Variants in TRIM24 observed in about 807,000 individuals in gnomAD.
The protein encoded by TRIM24 is transcription intermediary factor 1-alpha.
Under a neutral mutation model 123.9 loss-of-function variants are expected in TRIM24, and 29 were observed. The ratio of observed to expected loss-of-function variants is 0.23; its 90% CI spans 0.17 to 0.32. TRIM24 has a LOEUF of 0.32. Ranked by LOEUF, TRIM24 falls within the 10% of genes least tolerant of loss-of-function variation. The pLI is 1.00. For missense variants in TRIM24, 932 were observed against 1,295.3 expected (o/e 0.72, Z 4.31); for synonymous variants, 456 against 461.1 (o/e 0.99, Z 0.14).
chr7:138,584,146 C>G, intron 18 of TRIM24, 147 bp downstream of exon 18: 1 of 834,796 alleles, frequency 1.2e-6, no homozygotes. Flanking sequence ...AGAGATAATT[C>G]AGATAACTCT....
At position 138,589,464 on chromosome 7, in the gene TRIM24, A is replaced by G. The variant is rs1167946754; in HGVS notation, c.*4513A>G. 6.6e-6 allele frequency: 1 copy of G among 152,188 alleles called. No homozygotes were observed. Among genetic ancestry groups the G allele is most frequent in the African/African-American group, 2.4e-5 (1 of 41,438 alleles). The allele number at this position is 152,188 out of a possible 1,614,324, so 9.4% of individuals were successfully genotyped here. On this transcript the variant is annotated 3_prime_UTR_variant, in exon 19 of 19. Transcript: ENST00000343526. ...CTATCTACTTTGAGTCTCCATTACTACTACTGTTGTTCCCCTAGCTGTAAC... is the reference window on the plus strand; with the variant it reads ...CTATCTACTTTGAGTCTCCATTACTGCTACTGTTGTTCCCCTAGCTGTAAC...
intron 2 of TRIM24, among the ~76,000 whole-genome samples, chr7:138,509,960 C>T (rs1020959894): frequency 6.6e-6 from 1 of 152,136 alleles, no homozygotes; most frequent in African/African-American, 2.4e-5. Flanking sequence ...GCTTGGGACT[C>T]AGGCTTCTGA....
chr7:138,575,930 G>GTA (rs1396956415), intron 12 of TRIM24, among the ~76,000 whole-genome samples: 5 of 152,168 alleles, frequency 3.3e-5, no homozygotes, highest in East Asian at 3.9e-4. Context: ...CTATCAGCCC[G>GTA]TACCACCTTT....
In TRIM24 at chr7:138,473,173, G is replaced by A. The variant is rs533268943; in HGVS notation, c.364+12261G>A. Among the ~76,000 whole-genome samples, 39 of 152,260 alleles carry A rather than the reference G, an allele frequency of 2.6e-4. No homozygotes were observed. In the South Asian group the frequency reaches 5.8e-3, roughly 23 times the overall value. On this transcript the variant is annotated intron_variant, in intron 1 of 18. Coordinates refer to ENST00000343526, the MANE Select transcript of TRIM24 (RefSeq NM_015905.3). ...CATGTGCCTGTAGTTCCAGCTACTCGGGAGGCTGAGGCAGGAGAATTGCTT... is the reference window on the plus strand; with the variant it reads ...CATGTGCCTGTAGTTCCAGCTACTCAGGAGGCTGAGGCAGGAGAATTGCTT...
intron 17 of TRIM24, among the ~76,000 whole-genome samples, chr7:138,583,501 C>T (rs1302876512): frequency 6.6e-6 from 1 of 152,100 alleles, no homozygotes; most frequent in Admixed American, 6.6e-5. Flanking sequence ...ATGCCTGTAA[C>T]CCCAGCTACG....
intron 1 of TRIM24, among the ~76,000 whole-genome samples, chr7:138,482,003 C>T (rs573464285): frequency 7.6e-4 from 116 of 152,258 alleles, no homozygotes; most frequent in East Asian, 4.4e-3. Flanking sequence ...TCTACACCGC[C>T]GTGCTTATAA....
At chr7:138,542,099 A>G (rs1270205972) in intron 7 of TRIM24, among the ~76,000 whole-genome samples, 1 of 152,208 alleles carries the variant, frequency 6.6e-6, no homozygotes, top group Admixed American at 6.5e-5. Context: ...TATCAGCAAT[A>G]AGTCTGCTTG....
intron 10 of TRIM24, among the ~76,000 whole-genome samples, chr7:138,569,110 CACTT>C (rs1380506239): frequency 1.3e-5 from 2 of 152,152 alleles, no homozygotes; most frequent in African/African-American, 4.8e-5. Context: ...AATTTTGTGG[CACTT>C]ACGTAGTCTT....
At position 138,589,488 on chromosome 7, in the gene TRIM24, A is replaced by G. The variant is rs373788159; in HGVS notation, c.*4537A>G. ...TACTACTGTTGTTCCCCTAGCTGTA[A>G]CATTGATCCATATAGGGGCAAGCTA... On this transcript the variant is annotated 3_prime_UTR_variant, in exon 19 of 19. Transcript: ENST00000343526. 1 of 152,204 alleles carries G rather than the reference A, an allele frequency of 6.6e-6. No individual in the cohort carries two copies. Among genetic ancestry groups the G allele is most frequent in the East Asian group, 1.9e-4 (1 of 5,200 alleles). 9.4% of individuals were successfully genotyped at this position (152,204 alleles called of 1,614,324 possible). A position where few individuals can be genotyped will look rare whatever the true frequency, so the allele number is the denominator to read the frequency against.
At chr7:138,509,670 C>G (rs1358050417) in intron 2 of TRIM24, among the ~76,000 whole-genome samples, 1 of 117,782 alleles carries the variant, frequency 8.5e-6, no homozygotes, top group East Asian at 2.7e-4. Context: ...CCACAGCACT[C>G]TAGCCTGGAT....
intron 1 of TRIM24, among the ~76,000 whole-genome samples, chr7:138,477,886 T>C (rs868023067): frequency 3.9e-4 from 60 of 152,304 alleles, no homozygotes; most frequent in Middle Eastern, 3.4e-3. Context: ...TAAAACTGTT[T>C]GATTAGCTGA....
intron 1 of TRIM24, among the ~76,000 whole-genome samples, chr7:138,497,703 GT>G (rs1239824655): frequency 6.6e-6 from 1 of 151,058 alleles, no homozygotes. Context: ...CCTGTTGTTG[GT>G]TTTTGAGACA....
At chr7:138,567,315 T>G (rs1441605462) in intron 9 of TRIM24, among the ~76,000 whole-genome samples, 166 bp from the exon 10 acceptor site, 2 of 152,224 alleles carry the variant, frequency 1.3e-5, no homozygotes, top group African/African-American at 4.8e-5. Context: ...ACACAAATTC[T>G]GAAAGTCTGC....
intron 8 of TRIM24, among the ~76,000 whole-genome samples, chr7:138,552,384 C>A (rs528134243): frequency 1.1e-4 from 17 of 152,246 alleles, no homozygotes; most frequent in African/African-American, 3.1e-4. Flanking sequence ...TCCTTGCAAG[C>A]AGTTCAGCAG....
chr7:138,580,684 T>C lies in TRIM24; in HGVS notation c.2708T>C (p.Ile903Thr), dbSNP rs1222197695. The change falls in exon 16 of 19, where the codon ATA becomes ACA. Residue 903 changes from isoleucine (I) to threonine (T), a missense_variant. This residue lies in a region of TRIM24 where 45 missense variants were observed against 56.6 expected (regional missense o/e 0.80). Coordinates refer to ENST00000343526, the MANE Select transcript of TRIM24 (RefSeq NM_015905.3). ...GAAGGCCTTGTTAAGTTAACACCTA[T>C]AGATAAAAGGGTAAGTCTTTGGTAA... ...KTEGLVKLTP[I>T]DKRKCERLLL... 6 of 1,613,436 alleles carry C rather than the reference T, an allele frequency of 3.7e-6. No homozygotes were observed. The highest frequency in any genetic ancestry group is 8.5e-7 in the Non-Finnish European group (1 of 1,179,682).
intron 9 of TRIM24, among the ~76,000 whole-genome samples, chr7:138,558,159 C>G (rs1797353526): frequency 6.6e-6 from 1 of 152,084 alleles, no homozygotes; most frequent in Admixed American, 6.5e-5. Flanking sequence ...GGGTGCCTGC[C>G]AGGCATTTGG....
intron 2 of TRIM24, among the ~76,000 whole-genome samples, chr7:138,505,549 G>GTTA (rs1193801428): frequency 3.3e-5 from 5 of 151,410 alleles, no homozygotes; most frequent in African/African-American, 9.7e-5. Context: ...TGTTGTTGTT[G>GTTA]TTGTTGAGAC....
chr7:138,567,335 AC>A, intron 9 of TRIM24, 145 bp from the exon 10 acceptor site: 1 of 650,254 alleles, frequency 1.5e-6, no homozygotes, highest in Non-Finnish European at 2.3e-6. Flanking sequence ...CCCATCCCCC[AC>A]CCCTCATTCC....
chr7:138,537,391 T>TTG (rs1554440771), intron 6 of TRIM24, among the ~76,000 whole-genome samples: 1 of 127,720 alleles, frequency 7.8e-6, no homozygotes, highest in Non-Finnish European at 1.7e-5. Context: ...TTTTTTTTTT[T>TTG]TTTTTTTTTT....
Sources: gnomAD v4.1 joint callset for allele counts (sites outside exome capture counted in the v4.1 genomes callset) on GRCh38, gnomAD v4.1.1 for gene constraint, gnomAD v4.1.1 regional missense constraint, MANE v1.5 for transcripts, NCBI Gene and HGNC (gene_info 2026-07-23, HGNC 2026-07-21) for gene names.